PRKDC: variants seen among roughly 807,000 people sequenced by gnomAD.
PRKDC encodes the protein DNA-dependent protein kinase catalytic subunit.
Under a neutral mutation model 486.9 loss-of-function variants are expected in PRKDC, and 82 were observed. That is an observed-to-expected ratio of 0.17 (90% CI 0.14 to 0.20). PRKDC has a LOEUF of 0.20. PRKDC is among the 10% of genes least tolerant of loss of function. The probability of loss-of-function intolerance (pLI) is 1.00; values close to 1 mark genes in which losing one functional copy is unlikely to be tolerated. For missense variants in PRKDC, 4,504 were observed against 5,038.2 expected (o/e 0.89, Z 3.21); for synonymous variants, 1,895 against 1,837.0 (o/e 1.03, Z -0.81).
intron 21 of PRKDC, among the ~76,000 whole-genome samples, chr8:47,924,328 G>A (rs1411544030): frequency 2.6e-5 from 4 of 152,152 alleles, no homozygotes; most frequent in East Asian, 1.9e-4. Context: ...GGAGGCCGAG[G>A]TGGGCAGATG....
rs2087665067 is a variant in PRKDC, at chr8:47,823,874, G to A, written c.8906C>T (p.Ala2969Val). ...CAATTTTACCTCATCATACTGCTTA[G>A]CAGCTTCAGAATAATCACTTCTGGC... ...AEARSDYSEA[A>V]KQYDEALNKQ... Residue 2969 changes from alanine to valine, a missense_variant, in exon 64 of 86, where the codon GCT (alanine) becomes GTT (valine). By Grantham distance (64) the Ala-to-Val change is moderately conservative (BLOSUM62 0). Coordinates refer to ENST00000314191, the MANE Select transcript of PRKDC (RefSeq NM_006904.7). The A allele has an allele frequency of 1.2e-6, 2 of 1,613,758 alleles. No individual in the cohort carries two copies. Among genetic ancestry groups the A allele is most frequent in the Non-Finnish European group, 1.7e-6 (2 of 1,179,792 alleles).
intron 62 of PRKDC, among the ~76,000 whole-genome samples, chr8:47,827,118 TCACA>T (rs61385951): frequency 0.11 from 14,005 of 128,042 alleles, 862 homozygotes; most frequent in Admixed American, 0.19. Context: ...AATATGAAGA[TCACA>T]CACACACACA....
chr8:47,958,958 T>C (rs1029256436), intron 1 of PRKDC, among the ~76,000 whole-genome samples: 4 of 152,068 alleles, frequency 2.6e-5, no homozygotes, highest in East Asian at 3.9e-4. Flanking sequence ...TTGGTCTCCA[T>C]CTCCTGACCT....
chr8:47,802,944 T>G lies in PRKDC; in HGVS notation c.9922+362A>C, dbSNP rs537739373. On this transcript the variant is annotated intron_variant, in intron 70 of 85. Transcript: ENST00000314191. ...CTGGGATTACAGGCGTGAGCCACCA[T>G]GCCCAGCCTAGTTTTTGTATTTTTA... Among the ~76,000 whole-genome samples the G allele has an allele frequency of 9.2e-5, 14 of 152,110 alleles. No individual in the cohort carries two copies. In the South Asian group the frequency reaches 2.5e-3, roughly 27 times the overall value.
chr8:47,919,723 GTTTTTTT>G (rs200600818), intron 21 of PRKDC, among the ~76,000 whole-genome samples: 4 of 127,050 alleles, frequency 3.1e-5, no homozygotes, highest in Non-Finnish European at 6.8e-5. Flanking sequence ...GTTTTTAGTG[GTTTTTTT>G]TTTTTTTTTT....
chr8:47,796,955 T>C (rs2086997366), intron 73 of PRKDC, among the ~76,000 whole-genome samples: 3 of 152,332 alleles, frequency 2.0e-5, no homozygotes, highest in Non-Finnish European at 2.9e-5. Flanking sequence ...ACTATTTTCC[T>C]TCATGGATTC....
intron 19 of PRKDC, among the ~76,000 whole-genome samples, chr8:47,928,379 C>G (rs559462790): frequency 1.2e-3 from 183 of 152,126 alleles, no homozygotes; most frequent in African/African-American, 3.6e-3. Context: ...TCTTGAACTC[C>G]TGCCCTCAAG....
intron 77 of PRKDC, chr8:47,784,124 G>A (rs1314835908): frequency 7.9e-6 from 2 of 254,260 alleles, no homozygotes; most frequent in South Asian, 5.2e-5. Flanking sequence ...CGGGTGTGGT[G>A]GTGGGCGCCT....
At chr8:47,945,933 A>G (rs988587110) in intron 7 of PRKDC, among the ~76,000 whole-genome samples, 12 of 151,728 alleles carry the variant, frequency 7.9e-5, no homozygotes, top group Non-Finnish European at 1.5e-4. Context: ...TATCTTGGCC[A>G]AGCTGGTCTT....
chr8:47,797,277 T>C (rs1475587319), intron 73 of PRKDC, among the ~76,000 whole-genome samples: 1 of 152,230 alleles, frequency 6.6e-6, no homozygotes, highest in Non-Finnish European at 1.5e-5. Flanking sequence ...GTTTTTATCA[T>C]GTATAAATAT....
Position 47,858,585 on chromosome 8 carries a change from T to G in PRKDC, c.6396A>C (p.Lys2132Asn). 1 of 1,561,442 alleles carries G rather than the reference T, an allele frequency of 6.4e-7. No individual in the cohort carries two copies. Among genetic ancestry groups the G allele is most frequent in the East Asian group, 2.3e-5 (1 of 44,294 alleles). The change falls in exon 48 of 86, where the codon AAA (lysine) becomes AAC (asparagine). Residue 2132 changes from lysine (K) to asparagine (N), a missense_variant. By Grantham distance (94) the Lys-to-Asn change is moderately conservative. This residue lies in a region of PRKDC where 1,592 missense variants were observed against 1,724.6 expected (regional missense o/e 0.92). Coordinates refer to ENST00000314191, the MANE Select transcript of PRKDC (RefSeq NM_006904.7). ...LPSWMKFLHG[K>N]LGNPIVPLNI... ...TTAATGGTACTATTGGATTTCCCAG[T>G]TTGCCATGGAGGAATTTCATCCAAG...
At chr8:47,835,519 A>C (rs1351363348) in intron 58 of PRKDC, among the ~76,000 whole-genome samples, 4 of 142,544 alleles carry the variant, frequency 2.8e-5, no homozygotes, top group Non-Finnish European at 4.6e-5. Flanking sequence ...CAGGAGGCTG[A>C]GGCAGAGGAA....
Position 47,817,563 on chromosome 8 carries a change from T to A in PRKDC, c.9446-2A>T. On this transcript the variant is annotated splice_acceptor_variant, in intron 67 of 85. Transcript: ENST00000314191. LOFTEE classifies it high-confidence loss of function. ...GGGGAACTTGAGATGATAAATTGCCTAAAAATAGTATTAGAGGGTGACTAT... is the reference window on the plus strand; with the variant it reads ...GGGGAACTTGAGATGATAAATTGCCAAAAAATAGTATTAGAGGGTGACTAT... The A allele has an allele frequency of 6.4e-7, 1 of 1,558,804 alleles. No homozygotes were observed. The highest frequency in any genetic ancestry group is 8.8e-7 in the Non-Finnish European group (1 of 1,138,112).
chr8:47,778,874 TTTATA>T lies in PRKDC; in HGVS notation c.11580-80_11580-76del, dbSNP rs878969227. 22 of 1,497,144 alleles carry T rather than the reference TTTATA, an allele frequency of 1.5e-5. No homozygotes were observed. In the South Asian group the frequency reaches 2.4e-4, roughly 16 times the overall value. 92.7% of individuals were successfully genotyped at this position (1,497,144 alleles called of 1,614,324 possible). ...AAAATTTAAATTTTAAAACTTTTTG[TTTATA>T]TTGAGACTCAAATATCGAATAATCT... On this transcript the variant is annotated intron_variant, in intron 81 of 85. Transcript: ENST00000314191.
At position 47,862,208 on chromosome 8, in the gene PRKDC, G is replaced by GT. The variant is rs1225626174; in HGVS notation, c.5920-82dup. The GT allele has an allele frequency of 7.2e-6, 10 of 1,391,190 alleles. No individual in the cohort carries two copies. In the East Asian group the frequency reaches 2.5e-4, roughly 35 times the overall value. 86.2% of individuals were successfully genotyped at this position (1,391,190 alleles called of 1,614,324 possible). ...GATGTTACTTTAGAATTAATGCTAT[G>GT]TAATAGCTCATGGAAAAGCACTCCA... On this transcript the variant is annotated intron_variant, in intron 43 of 85. Transcript: ENST00000314191.
At chr8:47,884,255 C>T (rs2154501602) in intron 36 of PRKDC, among the ~76,000 whole-genome samples, 1 of 152,310 alleles carries the variant, frequency 6.6e-6, no homozygotes, top group South Asian at 2.1e-4. Context: ...AGGAGGCTGC[C>T]CTGCAGGGGA....
chr8:47,828,269 G>A lies in PRKDC; in HGVS notation c.8476C>T (p.Leu2826=), dbSNP rs2087782648. ...TGAGTGATGTTGTTTTTTTCAGACA[G>A]TGTCTTAAATTTATCCATCTCTTTC... ...ILKEMDKFKT[L]SEKNNITQKL... The change falls in exon 62 of 86, where the codon CTG becomes TTG. Residue 2826 remains leucine, a synonymous_variant. Transcript: ENST00000314191. 2 of 1,613,042 alleles carry A rather than the reference G, an allele frequency of 1.2e-6. No individual in the cohort carries two copies. The highest frequency in any genetic ancestry group is 1.7e-6 in the Non-Finnish European group (2 of 1,179,534).
chr8:47,917,148 G>A (rs961546716), intron 22 of PRKDC, among the ~76,000 whole-genome samples: 3 of 152,060 alleles, frequency 2.0e-5, no homozygotes, highest in African/African-American at 2.4e-5. Context: ...CCAGCTACTC[G>A]GGTGGCTGAG....
At chr8:47,868,634 C>A (rs923856879) in intron 40 of PRKDC, among the ~76,000 whole-genome samples, 2 of 152,002 alleles carry the variant, frequency 1.3e-5, no homozygotes, top group African/African-American at 4.8e-5. Context: ...TAAATAGAAG[C>A]CTCCAGTGAT....
Sources: gnomAD v4.1 joint callset for allele counts (sites outside exome capture counted in the v4.1 genomes callset) on GRCh38, gnomAD v4.1.1 for gene constraint, gnomAD v4.1.1 regional missense constraint, MANE v1.5 for transcripts, NCBI Gene and HGNC (gene_info 2026-07-23, HGNC 2026-07-21) for gene names.